The following MSH6 variants were observed in gnomAD, a reference collection of about 807,000 sequenced individuals.
MSH6 encodes the protein DNA mismatch repair protein Msh6.
In MSH6, 85 loss-of-function variants were observed where a neutral mutation model predicts 119.1. The observed-to-expected ratio is 0.71, with a 90% CI of 0.60 to 0.85. MSH6 has a LOEUF of 0.85. MSH6 is among the 40% of genes least tolerant of loss of function. MSH6 has a pLI of 0.00. For synonymous variants in MSH6, 830 were observed against 586.9 expected (o/e 1.41, Z -5.99); for missense variants, 2,163 against 1,655.3 (o/e 1.31, Z -5.32).
At chr2:47,786,578 C>G (rs994068947) in intron 1 of MSH6, among the ~76,000 whole-genome samples, 2 of 152,160 alleles carry the variant, frequency 1.3e-5, no homozygotes, top group Admixed American at 1.3e-4. Context: ...AGGTGATCCA[C>G]CCACCTCAGC....
chr2:47,789,929 C>T (rs147366578), intron 1 of MSH6, among the ~76,000 whole-genome samples: 50 of 152,082 alleles, frequency 3.3e-4, no homozygotes, highest in Admixed American at 1.0e-3. Context: ...CTCAAGCTGT[C>T]CTGCCTCGGC....
downstream of MSH6, chr2:47,807,152 TATATA>T: frequency 3.0e-6 from 1 of 338,438 alleles, no homozygotes; most frequent in Non-Finnish European, 5.4e-6. Flanking sequence ...TAGGGCTGTA[TATATA>T]CTTGTCTCAG....
chr2:47,791,142 ATGTGTGTGTGTTTG>A lies in MSH6; in HGVS notation c.457+31_457+44del. 1.9e-6 allele frequency: 3 copies of A among 1,602,418 alleles called. No individual in the cohort carries two copies. Among genetic ancestry groups the A allele is most frequent in the South Asian group, 2.2e-5 (2 of 90,690 alleles). On this transcript the variant is annotated intron_variant, in intron 2 of 9. Transcript: ENST00000234420. ...TATACAGGTAAGAGTCACTACTGCC[ATGTGTGTGTGTTTG>A]TGTGTGTGTGTGTGTGTGTGAGAGA... is the stretch of plus-strand genomic sequence containing the variant.
downstream of MSH6, chr2:47,807,000 ATCTACCT>A (rs1261825204): frequency 4.3e-6 from 3 of 705,356 alleles, no homozygotes; most frequent in Non-Finnish European, 7.5e-6. Flanking sequence ...TTTAATTCTT[ATCTACCT>A]TCTACATAAT....
At chr2:47,809,016 C>T (rs750782263), downstream of MSH6, 13 of 571,342 alleles carry the variant, frequency 2.3e-5, no homozygotes, top group East Asian at 6.2e-5. Context: ...GTCTTAAACA[C>T]GATCTTCAAG....
rs786203178 is a variant in MSH6, at chr2:47,783,425, G to A, written c.192G>A (p.Ala64=). 6.6e-7 allele frequency: 1 copy of A among 1,507,464 alleles called. No individual in the cohort carries two copies. Among genetic ancestry groups the A allele is most frequent in the East Asian group, 2.6e-5 (1 of 38,876 alleles). The allele number at this position is 1,507,464 out of a possible 1,614,324, so 93.4% of individuals were successfully genotyped here. A position where few individuals can be genotyped will look rare whatever the true frequency, so the allele number is the denominator to read the frequency against. The change falls in exon 1 of 10, where the codon GCG becomes GCA. Residue 64 remains alanine (A), a synonymous_variant. Transcript: ENST00000234420. ...GGCCCAGGCCCTTGGCGCGCTCCGC[G>A]TCACCGCCCAAGGCGAAGAACCTCA... ...GPGPRPLARS[A]SPPKAKNLNG...
In MSH6 at chr2:47,799,028, C is replaced by G. The variant is rs863224473; in HGVS notation, c.1045C>G (p.Gln349Glu). 2 of 1,614,184 alleles carry G rather than the reference C, an allele frequency of 1.2e-6. No homozygotes were observed. Among genetic ancestry groups the G allele is most frequent in the Non-Finnish European group, 1.7e-6 (2 of 1,180,026 alleles). ...AFSAPQNSES[Q>E]AHVSGGGDDS... ...CTCTGCCCCTCAAAATTCTGAATCC[C>G]AAGCCCACGTTAGTGGAGGTGGTGA... The change falls in exon 4 of 10, where the codon CAA becomes GAA. Residue 349 changes from glutamine (Q) to glutamate (E), a missense_variant. Transcript: ENST00000234420.
intron 2 of MSH6, among the ~76,000 whole-genome samples, chr2:47,792,709 C>T (rs1205427414): frequency 6.6e-6 from 1 of 152,050 alleles, no homozygotes; most frequent in Non-Finnish European, 1.5e-5. Context: ...CTCTGTCACC[C>T]AGCCTGGAGT....
Position 47,800,763 on chromosome 2 carries a change from T to C in MSH6, c.2780T>C (p.Ile927Thr), listed in dbSNP as rs587779926. Residue 927 changes from isoleucine (I) to threonine (T), a missense_variant, in exon 4 of 10, where the codon ATT (isoleucine) becomes ACT (threonine). Ile to Thr is a moderately conservative substitution (Grantham distance 89, BLOSUM62 -1). Transcript: ENST00000234420. ...GAAAAGGCTCGAAAGACTGGACTTA[T>C]TACTCCCAAAGCAGGCTTTGACTCT... The part of the protein sequence containing the change: ...DHEKARKTGL[I>T]TPKAGFDSDY... The C allele has an allele frequency of 1.5e-5, 25 of 1,614,020 alleles. No individual in the cohort carries two copies. The highest frequency in any genetic ancestry group is 1.1e-4 in the East Asian group (5 of 44,900).
chr2:47,807,934 C>A, downstream of MSH6: 1 of 578,998 alleles, frequency 1.7e-6, no homozygotes. Context: ...GCTTTGAGAT[C>A]CTGAGTCAAT....
Position 47,787,053 on chromosome 2 carries a change from C to T in MSH6, c.260+3560C>T, listed in dbSNP as rs1053503630. Among the ~76,000 whole-genome samples, 4 of 152,214 alleles carry T rather than the reference C, an allele frequency of 2.6e-5. No homozygotes were observed. In the East Asian group the frequency reaches 7.7e-4, roughly 29 times the overall value. Reference sequence around the variant, plus strand: ...AAGAAATCCACAGGGAGGCTGGGTGCAGTGGCTCATGCCTGTAAACCCAAC... The same window carrying T: ...AAGAAATCCACAGGGAGGCTGGGTGTAGTGGCTCATGCCTGTAAACCCAAC... On this transcript the variant is annotated intron_variant, in intron 1 of 9. Coordinates refer to ENST00000234420, the MANE Select transcript of MSH6 (RefSeq NM_000179.3).
downstream of MSH6, chr2:47,809,291 A>G (rs760234770): frequency 2.7e-5 from 37 of 1,395,044 alleles, no homozygotes; most frequent in Non-Finnish European, 3.6e-5. Context: ...AGAATAAGTA[A>G]AAATTCAGAG....
rs773367009 is a variant in MSH6, at chr2:47,783,402, C to G, written c.169C>G (p.Pro57Ala). 8 of 1,553,406 alleles carry G rather than the reference C, an allele frequency of 5.1e-6. No individual in the cohort carries two copies. The highest frequency in any genetic ancestry group is 6.9e-6 in the Non-Finnish European group (8 of 1,151,500). Residue 57 changes from proline to alanine, a missense_variant, in exon 1 of 10, where the codon CCC becomes GCC. By Grantham distance (27) the Pro-to-Ala change is conservative (BLOSUM62 -1). Transcript: ENST00000234420. ...DAAWSEAGPGPRPLARSASPP... is the reference protein window; with the variant it reads ...DAAWSEAGPGARPLARSASPP... ...GGCCTGGAGCGAGGCTGGGCCTGGG[C>G]CCAGGCCCTTGGCGCGCTCCGCGTC...
chr2:47,808,527 C>T, downstream of MSH6: 3 of 1,044,142 alleles, frequency 2.9e-6, no homozygotes, highest in South Asian at 3.8e-5. Context: ...TTTAAGAGGA[C>T]CAAAACAAAA....
intron 2 of MSH6, 38 bp from the exon 3 acceptor site, chr2:47,795,856 A>C: frequency 6.3e-7 from 1 of 1,592,830 alleles, no homozygotes; most frequent in Non-Finnish European, 8.6e-7. Context: ...GAGCCTCTGC[A>C]CCCGGCCCTT....
intron 6 of MSH6, 79 bp from the exon 7 acceptor site, chr2:47,805,539 A>G (rs1669943266): frequency 1.1e-6 from 1 of 937,788 alleles, no homozygotes; most frequent in Non-Finnish European, 1.8e-6. Context: ...AGCTCATGAT[A>G]GCTATATAAC....
At chr2:47,809,989 T>C (rs1220791343), downstream of MSH6, 1 of 491,012 alleles carries the variant, frequency 2.0e-6, no homozygotes, top group Admixed American at 3.8e-5. Flanking sequence ...CATCTCTTTT[T>C]CTGTTGCAGA....
intron 4 of MSH6, among the ~76,000 whole-genome samples, chr2:47,801,964 T>C (rs1361752778): frequency 6.6e-6 from 1 of 152,200 alleles, no homozygotes; most frequent in Non-Finnish European, 1.5e-5. Context: ...TTAAATGTGT[T>C]ATACTTCATG....
Position 47,799,334 on chromosome 2 carries a change from T to A in MSH6, c.1351T>A (p.Phe451Ile), listed in dbSNP as rs1558661442. The A allele has an allele frequency of 6.2e-7, 1 of 1,614,042 alleles. No individual in the cohort carries two copies. The highest frequency in any genetic ancestry group is 8.5e-7 in the Non-Finnish European group (1 of 1,180,022). The change falls in exon 4 of 10, where the codon TTC (phenylalanine) becomes ATC (isoleucine). Residue 451 changes from phenylalanine (F) to isoleucine (I), a missense_variant. Transcript: ENST00000234420. ...LIGVSELGLV[F>I]MKGNWAHSGF... is the part of the protein sequence containing the mutation. Reference sequence around the variant, plus strand: ...TGGAGTCAGTGAACTGGGGCTGGTATTCATGAAAGGCAACTGGGCCCATTC... The same window carrying A: ...TGGAGTCAGTGAACTGGGGCTGGTAATCATGAAAGGCAACTGGGCCCATTC...
Sources: gnomAD v4.1 joint callset for allele counts (sites outside exome capture counted in the v4.1 genomes callset) on GRCh38, gnomAD v4.1.1 for gene constraint, MANE v1.5 for transcripts, NCBI Gene and HGNC (gene_info 2026-07-23, HGNC 2026-07-21) for gene names.